DIP2A: variants seen among roughly 807,000 people sequenced by gnomAD.
DIP2A encodes disco-interacting protein 2 homolog A.
A neutral mutation model predicts 177.4 loss-of-function variants in DIP2A; 85 were observed. The observed-to-expected ratio is 0.48, with a 90% CI of 0.40 to 0.57. The LOEUF (loss-of-function observed/expected upper bound fraction) is 0.57. DIP2A is among the 20% of genes least tolerant of loss of function. The pLI is 0.00. For synonymous variants in DIP2A, 886 were observed against 881.8 expected, an observed-to-expected ratio of 1.00 and a Z score of -0.08; for missense variants, 1,791 against 2,100.2, an observed-to-expected ratio of 0.85 and a Z score of 2.88.
chr21:46,573,645 C>CAAAAAAAAAAAAAAAAAAAAA (rs201994694), downstream of DIP2A, among the ~76,000 whole-genome samples: 31 of 52,972 alleles, frequency 5.9e-4, 3 homozygotes, highest in Non-Finnish European at 8.5e-4. Context: ...CCCTCTCTCA[C>CAAAAAAAAAAAAAAAAAAAAA]AAAAAAAAAA....
intron 8 of DIP2A, among the ~76,000 whole-genome samples, chr21:46,514,606 A>G (rs2078583897): frequency 2.3e-5 from 2 of 85,110 alleles, no homozygotes; most frequent in South Asian, 7.3e-4. Flanking sequence ...TCCAATACTT[A>G]AACTTTTATT....
At chr21:46,538,455 G>A in intron 15 of DIP2A, 28 bp from the exon 16 acceptor site, 1 of 1,539,114 alleles carries the variant, frequency 6.5e-7, no homozygotes, top group Non-Finnish European at 8.7e-7. Context: ...TGTGACGCAG[G>A]GATGTCTGTG....
At chr21:46,550,322 G>A (rs1325612637) in intron 22 of DIP2A, among the ~76,000 whole-genome samples, 6 of 152,190 alleles carry the variant, frequency 3.9e-5, no homozygotes, top group Non-Finnish European at 7.3e-5. Flanking sequence ...GTGGACATGT[G>A]TACACAAATA....
Position 46,549,905 on chromosome 21 carries a change from C to T in DIP2A, c.2637+20C>T, listed in dbSNP as rs761342636. 3.7e-6 allele frequency: 6 copies of T among 1,607,870 alleles called. No homozygotes were observed. The Admixed American group carries it at 1.0e-4, about 27-fold the overall frequency. On this transcript the variant is annotated intron_variant, in intron 22 of 37. Transcript: ENST00000417564. The stretch of plus-strand genomic sequence containing the variant: ...CTGCAGGTGGGCGCCCCGGCACGGC[C>T]TATGGTTCGGTGAATCTCCCAAGCT...
chr21:46,466,071 C>T (rs2054798920), intron 1 of DIP2A, among the ~76,000 whole-genome samples: 1 of 152,218 alleles, frequency 6.6e-6, no homozygotes, highest in South Asian at 2.1e-4. Flanking sequence ...TTATCTGCTA[C>T]AGTGAGCTTG....
At chr21:46,582,179 C>T in the DIP2A span, among the ~76,000 whole-genome samples, 17 of 152,270 alleles carry the variant, frequency 1.1e-4, no homozygotes, top group East Asian at 2.5e-3. Flanking sequence ...TGCCCATTGA[C>T]GGGGAATGGA....
intron 8 of DIP2A, among the ~76,000 whole-genome samples, chr21:46,525,876 AT>A: frequency 3.9e-5 from 1 of 25,448 alleles, no homozygotes; most frequent in East Asian, 2.4e-3. Context: ...TATTATTATT[AT>A]TATTATTATT....
intron 7 of DIP2A, among the ~76,000 whole-genome samples, chr21:46,509,778 C>T (rs1215407941): frequency 6.6e-6 from 1 of 152,030 alleles, no homozygotes; most frequent in African/African-American, 2.4e-5. Flanking sequence ...AGGAAGAATA[C>T]ACACATATTT....
chr21:46,488,886 C>A (rs184169864), intron 2 of DIP2A, among the ~76,000 whole-genome samples: 25 of 152,276 alleles, frequency 1.6e-4, no homozygotes, highest in East Asian at 7.7e-4. Context: ...TAAAAGGATG[C>A]ATATTTTGGA....
At chr21:46,546,182 G>A in intron 20 of DIP2A, 1 of 1,325,996 alleles carries the variant, frequency 7.5e-7, no homozygotes, top group South Asian at 2.3e-5. Flanking sequence ...TGAGTCGGGG[G>A]TCCCCGGGGT....
At position 46,567,478 on chromosome 21, in the gene DIP2A, G is replaced by A. The variant is rs577146649; in HGVS notation, c.4572G>A (p.Glu1524=). 37 of 1,613,996 alleles carry A rather than the reference G, an allele frequency of 2.3e-5. No homozygotes were observed. In the South Asian group the frequency reaches 4.0e-4, roughly 17 times the overall value. ...TGGTGACCAACGTGGTGCTGGAGGA[G>A]CACTACCTGGTCGTGGGAGTGGTGG... ...VALVTNVVLE[E]HYLVVGVVVI... The change falls in exon 38 of 38, where the codon GAG becomes GAA. Residue 1524 remains glutamate, a synonymous_variant. Transcript: ENST00000417564.
At chr21:46,547,210 C>A in intron 21 of DIP2A, 168 bp downstream of exon 21, 1 of 1,413,678 alleles carries the variant, frequency 7.1e-7, no homozygotes, top group Non-Finnish European at 9.2e-7. Flanking sequence ...AGCAATGATA[C>A]CAGAGTTAAT....
At chr21:46,544,888 C>A (rs1305851253) in intron 18 of DIP2A, among the ~76,000 whole-genome samples, 4 of 152,090 alleles carry the variant, frequency 2.6e-5, no homozygotes, top group African/African-American at 9.7e-5. Flanking sequence ...TCAGCCGGGG[C>A]TTATTACATG....
chr21:46,499,753 C>T (rs1029314358), intron 5 of DIP2A, among the ~76,000 whole-genome samples: 1 of 152,174 alleles, frequency 6.6e-6, no homozygotes, highest in African/African-American at 2.4e-5. Context: ...GCACAAGTAC[C>T]TTAAAATACA....
intron 28 of DIP2A, 124 bp from the exon 29 acceptor site, chr21:46,555,858 G>A (rs1444419697): frequency 5.4e-5 from 42 of 773,492 alleles, no homozygotes; most frequent in Admixed American, 1.9e-4. Context: ...CCCCACTCCC[G>A]TCTGAGCTCA....
At chr21:46,578,079 C>T in the DIP2A span, among the ~76,000 whole-genome samples, 2 of 152,030 alleles carry the variant, frequency 1.3e-5, no homozygotes, top group African/African-American at 2.4e-5. Context: ...TTTAGGAGGC[C>T]GAGGTGGGTG....
At position 46,498,880 on chromosome 21, in the gene DIP2A, G is replaced by A. The variant is rs762887871; in HGVS notation, c.655+47G>A. 9.0e-5 allele frequency: 140 copies of A among 1,553,044 alleles called. No homozygotes were observed. In the African/African-American group the frequency reaches 1.8e-3, roughly 20 times the overall value. ...CCCCTGTGCCAGCAGAGCGGGGTCA[G>A]GAGTGTCCAGGACAGAGGAGCAGAT... On this transcript the variant is annotated intron_variant, in intron 5 of 37. Transcript: ENST00000417564. This position sits in a 1 kb window ranked among gnomAD's most constrained non-coding sequence, Gnocchi z 4.3.
Position 46,563,726 on chromosome 21 carries a change from A to C in DIP2A, c.4090-132A>C, listed in dbSNP as rs114660007. 7.3e-4 allele frequency: 1,034 copies of C among 1,407,544 alleles called. 12 individuals carry two copies. The African/African-American group carries it at 0.014, about 19-fold the overall frequency. The allele number at this position is 1,407,544 out of a possible 1,614,324, so 87.2% of individuals were successfully genotyped here. On this transcript the variant is annotated intron_variant, in intron 34 of 37. Coordinates refer to ENST00000417564, the MANE Select transcript of DIP2A (RefSeq NM_015151.4). The surrounding 1 kb of genome is among the most constrained non-coding windows in gnomAD (Gnocchi z 4.3). The stretch of plus-strand genomic sequence containing the variant: ...AAAGTCAAATTTGGAGCGGCCTCTA[A>C]ACTTCCTGACCTGACATGAGCACAT...
intron 10 of DIP2A, among the ~76,000 whole-genome samples, chr21:46,533,259 C>CT (rs1299866318): frequency 6.6e-6 from 1 of 152,166 alleles, no homozygotes; most frequent in Non-Finnish European, 1.5e-5. Context: ...TAAGAATAAA[C>CT]TTTGAGAAAT....
Sources: allele counts gnomAD v4.1 joint callset (sites outside exome capture counted in the v4.1 genomes callset), GRCh38; gene constraint gnomAD v4.1.1; non-coding constraint Gnocchi (gnomAD v3.1); transcripts MANE v1.5; gene names NCBI Gene and HGNC (gene_info 2026-07-23, HGNC 2026-07-21).